RGS20: variants seen among roughly 807,000 people sequenced by gnomAD.
RGS20 encodes the protein regulator of G protein signaling 20.
In RGS20, 30 loss-of-function variants were observed where a neutral mutation model predicts 33.6. The observed-to-expected ratio is 0.89, with a 90% CI of 0.67 to 1.21. The LOEUF (loss-of-function observed/expected upper bound fraction) is 1.21. Ranked by LOEUF, RGS20 falls within the 50% of genes most tolerant of loss-of-function variation. The pLI is 0.00. For synonymous variants in RGS20, 208 were observed against 197.9 expected (o/e 1.05, Z -0.43); for missense variants, 472 against 502.4 (o/e 0.94, Z 0.58).
intron 1 of RGS20, among the ~76,000 whole-genome samples, chr8:53,867,533 A>G (rs1406281870): frequency 6.6e-6 from 1 of 152,098 alleles, no homozygotes; most frequent in Non-Finnish European, 1.5e-5. Flanking sequence ...TCCTGCTAAT[A>G]TCTTCATTTT....
chr8:53,862,884 T>C (rs990770804), intron 1 of RGS20, among the ~76,000 whole-genome samples: 2 of 152,184 alleles, frequency 1.3e-5, no homozygotes, highest in Non-Finnish European at 2.9e-5. Context: ...CCATCAGAAA[T>C]GGGCTGGGTT....
intron 2 of RGS20, among the ~76,000 whole-genome samples, chr8:53,903,181 G>T (rs1178852940): frequency 6.6e-6 from 1 of 152,298 alleles, no homozygotes. Context: ...TGTATAGATA[G>T]ATGTATATGT....
At position 53,946,695 on chromosome 8, in the gene RGS20, G is replaced by A. The variant is rs1394005384; in HGVS notation, c.690G>A (p.Arg230=). ...CTGTTAGAAACCAGGAAGATCAGAG[G>A]CCCACAATAGCTTCCCACGAACTCA... The change falls in exon 4 of 6, where the codon AGG becomes AGA. Residue 230 remains arginine, a synonymous_variant. Transcript: ENST00000297313. 5 of 1,612,704 alleles carry A rather than the reference G, an allele frequency of 3.1e-6. No individual in the cohort carries two copies. Among genetic ancestry groups the A allele is most frequent in the Non-Finnish European group, 4.2e-6 (5 of 1,179,470 alleles).
chr8:53,879,362 C>A lies in RGS20; in HGVS notation c.270C>A (p.Leu90=), dbSNP rs1812284790. ...TCGCAAGGTTCTTCTCTCACCTTCT[C>A]CGGCGACCCCCTCCCGAGGCTCCCC... is the stretch of plus-strand genomic sequence containing the variant. The change falls in exon 2 of 6, where the codon CTC becomes CTA. Residue 90 remains leucine, a synonymous_variant. Transcript: ENST00000297313. The A allele has an allele frequency of 6.2e-7, 1 of 1,611,710 alleles. No homozygotes were observed. Among genetic ancestry groups the A allele is most frequent in the Admixed American group, 1.7e-5 (1 of 59,990 alleles).
chr8:53,931,579 C>A (rs1343417260), intron 2 of RGS20, among the ~76,000 whole-genome samples: 1 of 120,428 alleles, frequency 8.3e-6, no homozygotes, highest in Non-Finnish European at 1.8e-5. Context: ...ACAACAACAA[C>A]AACAACAACA....
chr8:53,863,585 T>C (rs1311615699), intron 1 of RGS20, among the ~76,000 whole-genome samples: 3 of 152,112 alleles, frequency 2.0e-5, no homozygotes, highest in African/African-American at 7.2e-5. Context: ...AAAAGCTCAG[T>C]GATATCACCC....
rs117892950 is a variant in RGS20 at position 53,886,176 on chromosome 8, G to A, written c.510+6574G>A. Among the ~76,000 whole-genome samples the A allele has an allele frequency of 4.8e-3, 724 of 152,274 alleles. 4 individuals carry two copies. The highest frequency in any genetic ancestry group is 8.3e-3 in the Non-Finnish European group (564 of 68,016). On this transcript the variant is annotated intron_variant, in intron 2 of 5. Transcript: ENST00000297313. The stretch of plus-strand genomic sequence containing the variant: ...AATAAGTGGGAGTCACTGACTACAC[G>A]GCACCATCTGAGATGGTCCCTGAAT...
rs1425083846 is a variant in RGS20 at position 53,954,237 on chromosome 8, C to T, written c.905C>T (p.Ala302Val). Residue 302 changes from alanine to valine, a missense_variant, in exon 5 of 6, where the codon GCT (alanine) becomes GTT (valine). By Grantham distance (64) the Ala-to-Val change is moderately conservative. Coordinates refer to ENST00000297313, the MANE Select transcript of RGS20 (RefSeq NM_170587.4). ...GCCTGTGAGGAACTGAAAAAGGAAG[C>T]TAATAAAAACATTATTGAAGAGAAA... 5 of 1,613,648 alleles carry T rather than the reference C, an allele frequency of 3.1e-6. No individual in the cohort carries two copies. Among genetic ancestry groups the T allele is most frequent in the East Asian group, 4.5e-5 (2 of 44,886 alleles).
chr8:53,903,323 G>T (rs1479907393), intron 2 of RGS20, among the ~76,000 whole-genome samples: 1 of 152,148 alleles, frequency 6.6e-6, no homozygotes, highest in East Asian at 1.9e-4. Context: ...TCTGAAAATA[G>T]TGAACAATGA....
intron 2 of RGS20, among the ~76,000 whole-genome samples, chr8:53,897,019 T>C (rs936380235): frequency 1.3e-5 from 2 of 152,218 alleles, no homozygotes; most frequent in Admixed American, 6.5e-5. Context: ...CGGGGGATCA[T>C]AGAGAATTTT....
At chr8:53,901,838 A>G (rs949619446) in intron 2 of RGS20, among the ~76,000 whole-genome samples, 1 of 152,030 alleles carries the variant, frequency 6.6e-6, no homozygotes, top group African/African-American at 2.4e-5. Flanking sequence ...ACTGTGGGCA[A>G]CAGAGTGAGA....
intron 1 of RGS20, among the ~76,000 whole-genome samples, chr8:53,855,118 G>T (rs892634278): frequency 6.6e-6 from 1 of 151,962 alleles, no homozygotes; most frequent in East Asian, 1.9e-4. Context: ...AGGCTGGAGT[G>T]CAGTGGGGCA....
intron 2 of RGS20, chr8:53,879,711 G>A: frequency 1.0e-6 from 1 of 995,630 alleles, no homozygotes; most frequent in Non-Finnish European, 1.4e-6. Context: ...CTAGCAGTAG[G>A]GAGGGTGGCA....
chr8:53,958,077 A>G (rs958074368), intron 5 of RGS20, among the ~76,000 whole-genome samples, 193 bp from the exon 5 acceptor site: 5 of 152,134 alleles, frequency 3.3e-5, no homozygotes, highest in Admixed American at 1.3e-4. Context: ...CGGAGGTTGC[A>G]CTGAGCTGAG....
At chr8:53,930,939 C>T (rs531302108) in intron 2 of RGS20, among the ~76,000 whole-genome samples, 5 of 152,210 alleles carry the variant, frequency 3.3e-5, no homozygotes, top group Non-Finnish European at 5.9e-5. Context: ...CCTCAGTGCC[C>T]GAATTGAGTG....
intron 3 of RGS20, among the ~76,000 whole-genome samples, chr8:53,939,961 A>C (rs1814242918): frequency 1.3e-5 from 2 of 152,216 alleles, no homozygotes; most frequent in South Asian, 4.1e-4. Context: ...ACGTGTGTTA[A>C]ACAACTAAAG....
chr8:53,930,944 T>A (rs2129288654), intron 2 of RGS20, among the ~76,000 whole-genome samples: 1 of 152,216 alleles, frequency 6.6e-6, no homozygotes, highest in East Asian at 1.9e-4. Flanking sequence ...GTGCCCGAAT[T>A]GAGTGAATGA....
intron 4 of RGS20, among the ~76,000 whole-genome samples, chr8:53,952,256 T>TC: frequency 7.6e-6 from 1 of 131,500 alleles, no homozygotes; most frequent in South Asian, 2.8e-4. Flanking sequence ...TTTTTTTTTT[T>TC]TTTTTTTTTG....
chr8:53,948,172 A>G (rs562615870), intron 4 of RGS20, among the ~76,000 whole-genome samples: 3 of 135,708 alleles, frequency 2.2e-5, no homozygotes, highest in African/African-American at 7.9e-5. Flanking sequence ...TATATGCTAT[A>G]TATATGATAT....
Sources: allele counts gnomAD v4.1 joint callset (sites outside exome capture counted in the v4.1 genomes callset), GRCh38; gene constraint gnomAD v4.1.1; transcripts MANE v1.5; gene names NCBI Gene and HGNC (gene_info 2026-07-23, HGNC 2026-07-21).